SLC9D1: variants seen among roughly 807,000 people sequenced by gnomAD.
SLC9D1 encodes the protein putative LAG1-interacting protein.
chr13:113,548,562 G>A, the SLC9D1 span: 1 of 1,224,390 alleles, frequency 8.2e-7, no homozygotes, highest in East Asian at 2.4e-5. Context: ...CTGGGGGCAG[G>A]GTCCTCCTCC....
chr13:113,547,871 G>A, the SLC9D1 span, among the ~76,000 whole-genome samples: 3 of 152,234 alleles, frequency 2.0e-5, no homozygotes, highest in Middle Eastern at 3.4e-3. Flanking sequence ...AAGCTGTGAT[G>A]ATCGTTGGAC....
chr13:113,526,482 G>A, the SLC9D1 span, among the ~76,000 whole-genome samples: 2 of 152,118 alleles, frequency 1.3e-5, no homozygotes, highest in African/African-American at 2.4e-5. Flanking sequence ...TCTTTGGGAG[G>A]CCAAGGCGGG....
At chr13:113,497,086 G>T in the SLC9D1 span, among the ~76,000 whole-genome samples, 1 of 152,154 alleles carries the variant, frequency 6.6e-6, no homozygotes, top group Non-Finnish European at 1.5e-5. Context: ...ACCTGCAGCT[G>T]TGTGTCAGAC....
the SLC9D1 span, among the ~76,000 whole-genome samples, chr13:113,537,516 A>G: frequency 6.6e-6 from 1 of 152,206 alleles, no homozygotes; most frequent in African/African-American, 2.4e-5. Flanking sequence ...CCAGCATGTC[A>G]GATATGTTTT....
At chr13:113,492,030 CAG>C in the SLC9D1 span, among the ~76,000 whole-genome samples, 1 of 152,166 alleles carries the variant, frequency 6.6e-6, no homozygotes, top group Non-Finnish European at 1.5e-5. Flanking sequence ...GTTGTTGAGA[CAG>C]AGTTTTGCTG....
At chr13:113,530,051 A>G in the SLC9D1 span, 1 of 152,276 alleles carries the variant, frequency 6.6e-6, no homozygotes, top group Non-Finnish European at 1.5e-5. Context: ...ATAATATAGA[A>G]TGAACATTGA....
chr13:113,502,972 G>A, the SLC9D1 span, among the ~76,000 whole-genome samples: 4 of 152,226 alleles, frequency 2.6e-5, no homozygotes, highest in Non-Finnish European at 4.4e-5. Flanking sequence ...ACGTGTGGGG[G>A]CTCCCAGGAC....
At chr13:113,540,943 G>A in the SLC9D1 span, among the ~76,000 whole-genome samples, 3 of 152,168 alleles carry the variant, frequency 2.0e-5, no homozygotes, top group Non-Finnish European at 4.4e-5. Context: ...GCTGGCCAGC[G>A]ATCCCAGCAC....
the SLC9D1 span, among the ~76,000 whole-genome samples, chr13:113,532,454 G>A: frequency 6.6e-6 from 1 of 152,140 alleles, no homozygotes. Context: ...GCATGGCAGG[G>A]CAGAGAAGCC....
At chr13:113,537,707 G>T in the SLC9D1 span, among the ~76,000 whole-genome samples, 176 of 152,332 alleles carry the variant, frequency 1.2e-3, 1 homozygote, top group South Asian at 7.5e-3. Flanking sequence ...ACTGTTGTCA[G>T]TGAGCGTTCT....
At chr13:113,534,464 C>T in the SLC9D1 span, 1 of 542,856 alleles carries the variant, frequency 1.8e-6, no homozygotes, top group South Asian at 2.7e-5. Context: ...AAGCACTTTG[C>T]TAAAATAGTG....
At chr13:113,523,463 T>G in the SLC9D1 span, among the ~76,000 whole-genome samples, 2 of 152,236 alleles carry the variant, frequency 1.3e-5, no homozygotes, top group Non-Finnish European at 2.9e-5. Context: ...TGTATTCCTT[T>G]ATCATTCTTT....
the SLC9D1 span, chr13:113,504,324 T>C: frequency 6.6e-6 from 1 of 152,200 alleles, no homozygotes; most frequent in Non-Finnish European, 1.5e-5. Flanking sequence ...TAGTATTCCT[T>C]CTTTTTTTAA....
chr13:113,531,638 G>A, the SLC9D1 span, among the ~76,000 whole-genome samples: 233 of 143,988 alleles, frequency 1.6e-3, no homozygotes, highest in Non-Finnish European at 2.9e-3. Flanking sequence ...CGCCCCGTAC[G>A]TGCAGATCAA....
the SLC9D1 span, chr13:113,504,735 G>A: frequency 2.6e-5 from 4 of 152,124 alleles, no homozygotes; most frequent in Non-Finnish European, 4.4e-5. Flanking sequence ...ATGGGCATTT[G>A]GGCTGGTTCC....
At chr13:113,549,775 GT>G in the SLC9D1 span, 2 of 692,190 alleles carry the variant, frequency 2.9e-6, no homozygotes, top group Non-Finnish European at 5.3e-6. Context: ...GGGACACTGC[GT>G]TTTACCGATC....
chr13:113,510,576 T>G, the SLC9D1 span: 1 of 683,182 alleles, frequency 1.5e-6, no homozygotes, highest in Non-Finnish European at 2.4e-6. Flanking sequence ...AGGGCTTACA[T>G]TCTGCAAGGA....
the SLC9D1 span, among the ~76,000 whole-genome samples, chr13:113,515,149 T>C: frequency 6.6e-6 from 1 of 152,256 alleles, no homozygotes; most frequent in African/African-American, 2.4e-5. Flanking sequence ...ATTCCATTTC[T>C]ATATACATAT....
the SLC9D1 span, among the ~76,000 whole-genome samples, chr13:113,541,133 A>T: frequency 1.3e-5 from 2 of 152,196 alleles, no homozygotes; most frequent in Non-Finnish European, 2.9e-5. Context: ...GTTTGGAGTC[A>T]GGTGGCCTCC....
Sources: allele counts gnomAD v4.1 joint callset (sites outside exome capture counted in the v4.1 genomes callset), GRCh38; gene constraint gnomAD v4.1.1; transcripts MANE v1.5; gene names NCBI Gene and HGNC (gene_info 2026-07-23, HGNC 2026-07-21).